The following PLXNA4 variants were observed in gnomAD, a reference collection of about 807,000 sequenced individuals.
PLXNA4 encodes the protein plexin-A4.
PLXNA4 carries 44 observed loss-of-function variants against 191.8 expected under a neutral mutation model. That is an observed-to-expected ratio of 0.23 (90% CI 0.18 to 0.29). The LOEUF is 0.29. Among genes scored for constraint, PLXNA4 ranks in the 10% least tolerant of loss-of-function variants. PLXNA4 has a pLI of 1.00. For synonymous variants in PLXNA4, 1,082 were observed against 1,009.5 expected, an observed-to-expected ratio of 1.07 and a Z score of -1.36; for missense variants, 1,800 against 2,488.8, an observed-to-expected ratio of 0.72 and a Z score of 5.89.
At chr7:132,563,108 CTCCCTCCTCCTCCTT>C (rs1801387419) in intron 1 of PLXNA4, among the ~76,000 whole-genome samples, 1 of 80,988 alleles carries the variant, frequency 1.2e-5, no homozygotes, top group Non-Finnish European at 2.6e-5. Flanking sequence ...TCCTCCTCCT[CTCCCTCCTCCTCCTT>C]CTCCTCCTCC....
intron 28 of PLXNA4, among the ~76,000 whole-genome samples, chr7:132,146,196 A>G (rs1795428421): frequency 6.6e-6 from 1 of 151,876 alleles, no homozygotes; most frequent in South Asian, 2.1e-4. Context: ...TCATTCTTTT[A>G]TAAGGCATGG....
intron 1 of PLXNA4, among the ~76,000 whole-genome samples, chr7:132,561,117 T>G (rs959834498): frequency 1.3e-5 from 2 of 152,012 alleles, no homozygotes; most frequent in African/African-American, 4.8e-5. Context: ...TGTTGCCCCT[T>G]GCCCCACTTC....
At chr7:132,453,797 C>T (rs1796216739) in intron 3 of PLXNA4, among the ~76,000 whole-genome samples, 1 of 152,224 alleles carries the variant, frequency 6.6e-6, no homozygotes, top group Non-Finnish European at 1.5e-5. Flanking sequence ...ACCTTGGCCT[C>T]CCAAAGTGCT....
At chr7:132,401,575 G>A (rs1044437470) in intron 3 of PLXNA4, among the ~76,000 whole-genome samples, 9 of 152,306 alleles carry the variant, frequency 5.9e-5, no homozygotes, top group South Asian at 2.1e-4. Context: ...GAGGAAGTCC[G>A]GTAGGATGAG....
At chr7:132,584,484 A>C (rs1802469942) in intron 2 of PLXNA4, among the ~76,000 whole-genome samples, 1 of 152,180 alleles carries the variant, frequency 6.6e-6, no homozygotes, top group Admixed American at 6.5e-5. Flanking sequence ...TTCTATTTTC[A>C]TTTCCTCAAA....
intron 24 of PLXNA4, among the ~76,000 whole-genome samples, chr7:132,161,457 T>C (rs1346022543): frequency 6.6e-6 from 1 of 152,228 alleles, no homozygotes; most frequent in African/African-American, 2.4e-5. Flanking sequence ...AGCTGCCTCA[T>C]GATTTCTCTG....
intron 3 of PLXNA4, among the ~76,000 whole-genome samples, chr7:132,376,170 G>A (rs895585178): frequency 3.3e-5 from 5 of 152,164 alleles, no homozygotes; most frequent in South Asian, 2.1e-4. Context: ...GAGCTTTGGC[G>A]ATGTGAAAAG....
At chr7:132,447,562 C>T (rs979291147) in intron 3 of PLXNA4, among the ~76,000 whole-genome samples, 4 of 152,176 alleles carry the variant, frequency 2.6e-5, no homozygotes, top group Non-Finnish European at 5.9e-5. Context: ...TCTCTCATAT[C>T]TTAATCCATC....
chr7:132,514,198 C>T (rs946287619), intron 1 of PLXNA4, among the ~76,000 whole-genome samples: 1 of 151,928 alleles, frequency 6.6e-6, no homozygotes, highest in Non-Finnish European at 1.5e-5. Flanking sequence ...ACTACAGGCG[C>T]CCGCCACCAT....
intron 16 of PLXNA4, among the ~76,000 whole-genome samples, chr7:132,182,412 G>A (rs1052372761): frequency 6.6e-6 from 1 of 152,126 alleles, no homozygotes; most frequent in East Asian, 1.9e-4. Flanking sequence ...GCCATCCTTT[G>A]CTGAGTTTGT....
intron 14 of PLXNA4, among the ~76,000 whole-genome samples, chr7:132,191,588 G>A (rs1273394703): frequency 6.6e-6 from 1 of 152,120 alleles, no homozygotes; most frequent in Non-Finnish European, 1.5e-5. Flanking sequence ...TATCATTCAG[G>A]ATCACTGCCA....
intron 30 of PLXNA4, among the ~76,000 whole-genome samples, chr7:132,137,894 G>A (rs1247573829): frequency 6.6e-6 from 1 of 151,752 alleles, no homozygotes; most frequent in East Asian, 1.9e-4. Context: ...CAGGTGGGAG[G>A]ACGGATGAGA....
chr7:132,355,269 C>T lies in PLXNA4; in HGVS notation c.1372-57047G>A, dbSNP rs567418597. Among the ~76,000 whole-genome samples the T allele has an allele frequency of 4.4e-4, 67 of 152,350 alleles. No homozygotes were observed. The South Asian group carries it at 0.013, about 30-fold the overall frequency. ...CCTTCCAGCTTCCCGTGTCCCAATTCCTGAACTTCGTCCAAGTCTGTTCCT... is the reference window on the plus strand; with the variant it reads ...CCTTCCAGCTTCCCGTGTCCCAATTTCTGAACTTCGTCCAAGTCTGTTCCT... On this transcript the variant is annotated intron_variant, in intron 3 of 31. Coordinates refer to ENST00000321063, the MANE Select transcript of PLXNA4 (RefSeq NM_020911.2).
At chr7:132,349,594 G>A (rs1271954947) in intron 3 of PLXNA4, among the ~76,000 whole-genome samples, 2 of 152,100 alleles carry the variant, frequency 1.3e-5, no homozygotes, top group African/African-American at 4.8e-5. Context: ...AATGTTTCAC[G>A]ACCCTGACAG....
chr7:132,505,495 T>G (rs946101920), intron 2 of PLXNA4, among the ~76,000 whole-genome samples: 2 of 152,186 alleles, frequency 1.3e-5, no homozygotes, highest in Admixed American at 6.5e-5. Context: ...GTTTAGTAAG[T>G]GCACAGTATA....
intron 3 of PLXNA4, among the ~76,000 whole-genome samples, chr7:132,437,262 G>A (rs562193531): frequency 1.8e-4 from 27 of 152,302 alleles, no homozygotes; most frequent in Middle Eastern, 3.4e-3. Flanking sequence ...AGAACATGGC[G>A]CATAGGAAGA....
intron 3 of PLXNA4, among the ~76,000 whole-genome samples, chr7:132,488,254 A>T (rs558243481): frequency 3.9e-5 from 6 of 152,200 alleles, no homozygotes; most frequent in Non-Finnish European, 7.3e-5. Flanking sequence ...AACAGAAATG[A>T]TTGCTGGGCT....
At chr7:132,356,244 T>A (rs987372638) in intron 3 of PLXNA4, among the ~76,000 whole-genome samples, 8 of 152,290 alleles carry the variant, frequency 5.3e-5, no homozygotes, top group African/African-American at 1.9e-4. Context: ...GGTGCTCAAA[T>A]GGGAAAGCCT....
At chr7:132,239,617 CT>C (rs1798812821) in intron 5 of PLXNA4, among the ~76,000 whole-genome samples, 1 of 152,212 alleles carries the variant, frequency 6.6e-6, no homozygotes, top group Non-Finnish European at 1.5e-5. Context: ...AAACTGCCCC[CT>C]GTCTGCCTGG....
Sources: gnomAD v4.1 joint callset for allele counts (sites outside exome capture counted in the v4.1 genomes callset) on GRCh38, gnomAD v4.1.1 for gene constraint, MANE v1.5 for transcripts, NCBI Gene and HGNC (gene_info 2026-07-23, HGNC 2026-07-21) for gene names.